ORC4: variants seen among roughly 807,000 people sequenced by gnomAD.
ORC4 encodes origin recognition complex, subunit 4 homolog.
A neutral mutation model predicts 63.9 loss-of-function variants in ORC4; 55 were observed. The ratio of observed to expected loss-of-function variants is 0.86; its 90% CI spans 0.69 to 1.08. The LOEUF (loss-of-function observed/expected upper bound fraction) is 1.08. ORC4 is among the 50% of genes least tolerant of loss of function. ORC4 has a pLI of 0.00. For synonymous variants in ORC4, 150 were observed against 168.5 expected, an observed-to-expected ratio of 0.89 and a Z score of 0.85; for missense variants, 511 against 504.4, an observed-to-expected ratio of 1.01 and a Z score of -0.13.
intron 1 of ORC4, among the ~76,000 whole-genome samples, chr2:148,010,780 A>G (rs182852792): frequency 7.9e-5 from 12 of 151,882 alleles, no homozygotes; most frequent in Admixed American, 7.2e-4. Flanking sequence ...ACTAACATCA[A>G]TCCTACTCAA....
chr2:148,014,712 TA>T (rs1370459351), intron 1 of ORC4, among the ~76,000 whole-genome samples: 12 of 152,278 alleles, frequency 7.9e-5, no homozygotes, highest in African/African-American at 2.4e-4. Flanking sequence ...TAGAAATTTT[TA>T]AAAAGCCATG....
intron 1 of ORC4, among the ~76,000 whole-genome samples, chr2:148,008,284 G>C (rs913704592): frequency 6.6e-6 from 1 of 152,170 alleles, no homozygotes; most frequent in Non-Finnish European, 1.5e-5. Context: ...TCTTTAGCAG[G>C]AAGATTAAAA....
intron 9 of ORC4, among the ~76,000 whole-genome samples, chr2:147,945,358 A>G (rs1412354349): frequency 6.6e-6 from 1 of 151,992 alleles, no homozygotes; most frequent in Non-Finnish European, 1.5e-5. Context: ...TCTTGCTTCT[A>G]TAATTACTTA....
At chr2:148,014,962 C>T (rs1476723227) in intron 1 of ORC4, among the ~76,000 whole-genome samples, 1 of 151,994 alleles carries the variant, frequency 6.6e-6, no homozygotes, top group Non-Finnish European at 1.5e-5. Context: ...TAATTTTCAG[C>T]AGGTAACCAG....
intron 4 of ORC4, among the ~76,000 whole-genome samples, chr2:147,965,682 G>C (rs1429755679): frequency 6.6e-6 from 1 of 152,082 alleles, no homozygotes; most frequent in East Asian, 1.9e-4. Context: ...AATCAACAAA[G>C]AGACATTGAA....
intron 1 of ORC4, among the ~76,000 whole-genome samples, chr2:148,008,152 A>T (rs918255131): frequency 6.6e-6 from 1 of 152,194 alleles, no homozygotes; most frequent in Non-Finnish European, 1.5e-5. Flanking sequence ...AAAATGCTAA[A>T]GGGAAGTTCT....
chr2:147,933,415 T>TA lies in ORC4; in HGVS notation c.*2094dup, dbSNP rs1687875694. ...CCTCCCCACAAAAATGCCTTGGGAA[T>TA]ATAATAGGCGTACACTTCATTTGTG... is the stretch of plus-strand genomic sequence containing the variant. On this transcript the variant is annotated 3_prime_UTR_variant, in exon 14 of 14. Transcript: ENST00000392857. 1.3e-5 allele frequency: 2 copies of TA among 152,146 alleles called. No individual in the cohort carries two copies. The highest frequency in any genetic ancestry group is 1.5e-5 in the Non-Finnish European group (1 of 68,018). 9.4% of individuals were successfully genotyped at this position (152,146 alleles called of 1,614,324 possible).
At chr2:147,954,207 A>G (rs557536594) in intron 7 of ORC4, among the ~76,000 whole-genome samples, 2 of 152,188 alleles carry the variant, frequency 1.3e-5, no homozygotes, top group Non-Finnish European at 2.9e-5. Flanking sequence ...GAAGAGAAAA[A>G]TAAAACACAA....
chr2:147,981,051 A>T (rs1239168040), intron 1 of ORC4, among the ~76,000 whole-genome samples: 2 of 152,228 alleles, frequency 1.3e-5, no homozygotes, highest in African/African-American at 4.8e-5. Context: ...ACAAAAAAGA[A>T]ATCCTGTCAT....
intron 8 of ORC4, among the ~76,000 whole-genome samples, chr2:147,950,429 T>A (rs1688886470): frequency 6.6e-6 from 1 of 152,198 alleles, no homozygotes; most frequent in Non-Finnish European, 1.5e-5. Flanking sequence ...CACTACTCCC[T>A]CTATACTTTT....
chr2:147,937,051 T>C (rs1285475224), intron 13 of ORC4: 2 of 151,624 alleles, frequency 1.3e-5, no homozygotes, highest in Non-Finnish European at 2.9e-5. Flanking sequence ...TTTAAATACT[T>C]GGGTAACCTT....
At chr2:147,947,958 C>T in intron 9 of ORC4, 93 bp downstream of exon 9, 1 of 984,588 alleles carries the variant, frequency 1.0e-6, no homozygotes, top group Non-Finnish European at 1.6e-6. Context: ...ATATTAGAAA[C>T]TTTGTGTTAA....
chr2:147,952,453 G>A lies in ORC4; in HGVS notation c.508C>T (p.Gln170Ter). Residue 170 changes from glutamine (Q) to a stop codon, truncating the protein, a stop_gained, in exon 8 of 14, where the codon CAA becomes TAA. Transcript: ENST00000392857. LOFTEE classifies it high-confidence loss of function. ...TCAAAAAGATTATAGAGAAGTGTTTGGTTTTTATGATGAGCAAAAAGATCA... is the reference window on the plus strand; with the variant it reads ...TCAAAAAGATTATAGAGAAGTGTTTAGTTTTTATGATGAGCAAAAAGATCA... ...EFDLFAHHKN[Q>*]TLLYNLFDIS... 6.2e-7 allele frequency: 1 copy of A among 1,609,174 alleles called. No homozygotes were observed. Among genetic ancestry groups the A allele is most frequent in the Non-Finnish European group, 8.5e-7 (1 of 1,175,720 alleles).
At chr2:147,953,209 G>A (rs980234572) in intron 7 of ORC4, among the ~76,000 whole-genome samples, 1 of 151,688 alleles carries the variant, frequency 6.6e-6, no homozygotes, top group Non-Finnish European at 1.5e-5. Context: ...GGAGGCTGAG[G>A]CAGGAGAATC....
intron 1 of ORC4, among the ~76,000 whole-genome samples, chr2:148,013,018 G>T (rs1283899515): frequency 6.6e-6 from 1 of 152,184 alleles, no homozygotes; most frequent in Non-Finnish European, 1.5e-5. Context: ...AGTCACAACA[G>T]AGAACAGTAT....
chr2:147,980,175 C>G (rs1690791864), intron 1 of ORC4, among the ~76,000 whole-genome samples: 1 of 152,038 alleles, frequency 6.6e-6, no homozygotes, highest in African/African-American at 2.4e-5. Flanking sequence ...TATGTAGTCG[C>G]TCCTCATCAG....
chr2:147,999,597 T>C (rs1033003004), intron 1 of ORC4, among the ~76,000 whole-genome samples: 5 of 152,070 alleles, frequency 3.3e-5, no homozygotes, highest in African/African-American at 7.2e-5. Flanking sequence ...GGGGGCCAAA[T>C]TGTCCCACTT....
intron 1 of ORC4, among the ~76,000 whole-genome samples, chr2:148,015,307 A>ATTTTTTT (rs1158861758): frequency 3.6e-4 from 33 of 92,318 alleles, no homozygotes; most frequent in African/African-American, 4.9e-4. Context: ...TGATATTGGA[A>ATTTTTTT]TTTTTTTTTT....
chr2:147,935,382 G>A lies in ORC4; in HGVS notation c.*128C>T. On this transcript the variant is annotated 3_prime_UTR_variant, in exon 14 of 14. Transcript: ENST00000392857. ...AAGGCAAGACACAGCCAAGACAGTA[G>A]ATGGGCAAGTCTCACATAAATACAA... 6 of 728,346 alleles carry A rather than the reference G, an allele frequency of 8.2e-6. No homozygotes were observed. The highest frequency in any genetic ancestry group is 7.7e-5 in the South Asian group (5 of 64,686). 45.1% of individuals were successfully genotyped at this position (728,346 alleles called of 1,614,324 possible). A position where few individuals can be genotyped will look rare whatever the true frequency, so the allele number is the denominator to read the frequency against.
Sources: allele counts gnomAD v4.1 joint callset (sites outside exome capture counted in the v4.1 genomes callset), GRCh38; gene constraint gnomAD v4.1.1; transcripts MANE v1.5; gene names NCBI Gene and HGNC (gene_info 2026-07-23, HGNC 2026-07-21).